KCNIP1: variants seen among roughly 807,000 people sequenced by gnomAD.
The protein encoded by KCNIP1 is A-type potassium channel modulatory protein KCNIP1.
A neutral mutation model predicts 33.0 loss-of-function variants in KCNIP1; 18 were observed. The observed-to-expected ratio is 0.55, with a 90% confidence interval of 0.38 to 0.81. The LOEUF (loss-of-function observed/expected upper bound fraction) is 0.81, where lower values mean the gene tolerates loss of function less well. Among genes scored for constraint, KCNIP1 ranks in the 30% least tolerant of loss-of-function variants. KCNIP1 has a pLI of 0.00. For synonymous variants in KCNIP1, 93 were observed against 98.3 expected (o/e 0.95, Z 0.32); for missense variants, 238 against 271.6 (o/e 0.88, Z 0.87).
At chr5:170,515,975 TCA>T (rs758260695) in intron 1 of KCNIP1, among the ~76,000 whole-genome samples, 12 of 152,102 alleles carry the variant, frequency 7.9e-5, no homozygotes, top group Non-Finnish European at 1.8e-4. Flanking sequence ...ATAAGCAAAG[TCA>T]CAGAGGCAGG....
intron 1 of KCNIP1, among the ~76,000 whole-genome samples, chr5:170,448,787 C>T (rs1313224151): frequency 2.6e-5 from 4 of 152,132 alleles, no homozygotes; most frequent in African/African-American, 9.7e-5. Flanking sequence ...AAAAATGACT[C>T]GTTTCCATAT....
chr5:170,394,660 C>G (rs977063577), intron 1 of KCNIP1, among the ~76,000 whole-genome samples: 3 of 152,054 alleles, frequency 2.0e-5, no homozygotes, highest in Non-Finnish European at 4.4e-5. Context: ...GGGTGTAATG[C>G]GTGATGCTGA....
intron 1 of KCNIP1, among the ~76,000 whole-genome samples, chr5:170,656,596 G>A (rs1761274273): frequency 6.6e-6 from 1 of 152,218 alleles, no homozygotes; most frequent in African/African-American, 2.4e-5. Context: ...GCTGCATCCT[G>A]TTAGAATCTA....
chr5:170,570,095 C>G (rs1430938623), intron 1 of KCNIP1, among the ~76,000 whole-genome samples: 1 of 152,162 alleles, frequency 6.6e-6, no homozygotes, highest in Non-Finnish European at 1.5e-5. Flanking sequence ...GCAGAGCCAG[C>G]CCAGCGTGGA....
At chr5:170,674,449 C>T (rs1332285290) in intron 1 of KCNIP1, among the ~76,000 whole-genome samples, 1 of 152,186 alleles carries the variant, frequency 6.6e-6, no homozygotes, top group Non-Finnish European at 1.5e-5. Flanking sequence ...TCCACAGGAA[C>T]ATGGTGCAGT....
At chr5:170,470,809 G>A (rs1187411892) in intron 1 of KCNIP1, among the ~76,000 whole-genome samples, 1 of 152,186 alleles carries the variant, frequency 6.6e-6, no homozygotes, top group African/African-American at 2.4e-5. Flanking sequence ...AGAAAAGAAC[G>A]TTAGCTCTTG....
intron 1 of KCNIP1, among the ~76,000 whole-genome samples, chr5:170,639,905 G>A (rs1760471173): frequency 6.6e-6 from 1 of 152,206 alleles, no homozygotes; most frequent in Non-Finnish European, 1.5e-5. Context: ...ATAAAAGAAG[G>A]CAAAAAGTGG....
intron 1 of KCNIP1, among the ~76,000 whole-genome samples, chr5:170,703,548 G>A (rs1421899830): frequency 7.3e-6 from 1 of 137,480 alleles, no homozygotes; most frequent in African/African-American, 2.7e-5. Context: ...CGAGGCAGGA[G>A]GATCACTTGA....
chr5:170,542,299 A>G (rs1214994541), intron 1 of KCNIP1, among the ~76,000 whole-genome samples: 1 of 152,178 alleles, frequency 6.6e-6, no homozygotes, highest in Non-Finnish European at 1.5e-5. Flanking sequence ...ACCTCAGGTG[A>G]AGATATGGAT....
intron 1 of KCNIP1, among the ~76,000 whole-genome samples, chr5:170,551,546 C>A (rs1352648127): frequency 6.6e-6 from 1 of 152,222 alleles, no homozygotes; most frequent in Admixed American, 6.5e-5. Flanking sequence ...GGTTTGGAAT[C>A]CAGATGAGTC....
chr5:170,627,667 T>C (rs1215175785), intron 1 of KCNIP1, among the ~76,000 whole-genome samples: 2 of 152,252 alleles, frequency 1.3e-5, no homozygotes, highest in Non-Finnish European at 2.9e-5. Flanking sequence ...AGACAGCCCT[T>C]GCAAGATCTG....
At chr5:170,427,132 C>A (rs1017109206) in intron 1 of KCNIP1, among the ~76,000 whole-genome samples, 27 of 152,346 alleles carry the variant, frequency 1.8e-4, no homozygotes, top group African/African-American at 6.0e-4. Flanking sequence ...CTCCCAGAGC[C>A]TCTGCAGGTT....
At chr5:170,580,794 G>A (rs1302149711) in intron 1 of KCNIP1, among the ~76,000 whole-genome samples, 2 of 152,170 alleles carry the variant, frequency 1.3e-5, no homozygotes, top group African/African-American at 4.8e-5. Flanking sequence ...GGCCCTCTAT[G>A]GGTCCAAGAG....
intron 1 of KCNIP1, among the ~76,000 whole-genome samples, chr5:170,380,439 G>C (rs1208064897): frequency 6.6e-6 from 1 of 152,250 alleles, no homozygotes; most frequent in Non-Finnish European, 1.5e-5. Context: ...TGTTGAGCCA[G>C]ATTCCTTGCA....
intron 1 of KCNIP1, among the ~76,000 whole-genome samples, chr5:170,387,879 G>A (rs1389174312): frequency 6.6e-6 from 1 of 152,244 alleles, no homozygotes; most frequent in Non-Finnish European, 1.5e-5. Context: ...CAGATACTGT[G>A]AGACATAAAT....
chr5:170,500,476 A>C (rs574102216), upstream of KCNIP1, among the ~76,000 whole-genome samples: 1 of 151,794 alleles, frequency 6.6e-6, no homozygotes, highest in East Asian at 1.9e-4. Context: ...CATGGGAGGG[A>C]CAACAGGACA....
chr5:170,449,902 T>C (rs1756206086), intron 1 of KCNIP1, among the ~76,000 whole-genome samples: 1 of 152,002 alleles, frequency 6.6e-6, no homozygotes, highest in Non-Finnish European at 1.5e-5. Context: ...ATTATAAAAA[T>C]TATAGAAAGA....
intron 1 of KCNIP1, among the ~76,000 whole-genome samples, chr5:170,568,691 C>T (rs917555306): frequency 7.9e-5 from 10 of 126,946 alleles, no homozygotes; most frequent in Non-Finnish European, 1.3e-4. Flanking sequence ...AGCATGGTGG[C>T]GGGCACCTGT....
Position 170,648,634 on chromosome 5 carries a change from C to T in KCNIP1, c.62-70124C>T, listed in dbSNP as rs116435199. 2.7e-3 allele frequency among the ~76,000 whole-genome samples: 414 copies of T among 152,240 alleles called. 2 individuals carry two copies. The highest frequency in any genetic ancestry group is 9.6e-3 in the African/African-American group (397 of 41,544). ...GAGGAAGGGATGATTAGGTGGAGCACAAAGGATTTTTAGGGCATTGAAACA... is the reference window on the plus strand; with the variant it reads ...GAGGAAGGGATGATTAGGTGGAGCATAAAGGATTTTTAGGGCATTGAAACA... On this transcript the variant is annotated intron_variant, in intron 1 of 7. Transcript: ENST00000328939.
Sources: gnomAD v4.1 joint callset for allele counts (sites outside exome capture counted in the v4.1 genomes callset) on GRCh38, gnomAD v4.1.1 for gene constraint, MANE v1.5 for transcripts, NCBI Gene and HGNC (gene_info 2026-07-23, HGNC 2026-07-21) for gene names.